The following ZFYVE9 variants were observed in gnomAD, a reference collection of about 807,000 sequenced individuals.
ZFYVE9 encodes the protein zinc finger FYVE-type containing 9, also known as zinc finger FYVE domain-containing protein 9.
Under a neutral mutation model 126.7 loss-of-function variants are expected in ZFYVE9, and 43 were observed. The ratio of observed to expected loss-of-function variants is 0.34; its 90% CI spans 0.27 to 0.44. ZFYVE9 has a LOEUF of 0.44. ZFYVE9 is among the 20% of genes least tolerant of loss of function. The pLI, the probability that ZFYVE9 is intolerant of heterozygous loss-of-function variation, is 1.00. For missense variants in ZFYVE9, 1,476 were observed against 1,697.0 expected, an observed-to-expected ratio of 0.87 and a Z score of 2.29; for synonymous variants, 521 against 597.4, an observed-to-expected ratio of 0.87 and a Z score of 1.87.
At chr1:52,172,620 T>G (rs1301818029) in intron 1 of ZFYVE9, among the ~76,000 whole-genome samples, 2 of 152,218 alleles carry the variant, frequency 1.3e-5, no homozygotes, top group Non-Finnish European at 2.9e-5. Flanking sequence ...GTATTGATTG[T>G]TCCTACCCAT....
chr1:52,217,771 T>G (rs1047137643), intron 2 of ZFYVE9, among the ~76,000 whole-genome samples: 1 of 152,210 alleles, frequency 6.6e-6, no homozygotes, highest in African/African-American at 2.4e-5. Flanking sequence ...TGTAAGGCTT[T>G]TATGATTGTC....
intron 13 of ZFYVE9, among the ~76,000 whole-genome samples, chr1:52,328,130 G>A (rs974334217): frequency 2.6e-5 from 4 of 152,188 alleles, no homozygotes; most frequent in Admixed American, 2.6e-4. Flanking sequence ...GGAAGCTTGA[G>A]ATTCTGAATG....
chr1:52,254,079 A>G (rs1645479167), intron 4 of ZFYVE9: 2 of 770,416 alleles, frequency 2.6e-6, no homozygotes, highest in African/African-American at 1.7e-5. Flanking sequence ...ACACCCACCC[A>G]TATGAGACAA....
intron 1 of ZFYVE9, among the ~76,000 whole-genome samples, chr1:52,192,759 G>T (rs1337301205): frequency 6.6e-6 from 1 of 152,144 alleles, no homozygotes; most frequent in Non-Finnish European, 1.5e-5. Flanking sequence ...CAAAGAATTT[G>T]AACAGGAGGT....
In ZFYVE9 at chr1:52,160,218, CCATCG is replaced by C. The variant is rs1644443246; in HGVS notation, c.-143+17820_-143+17824del. The stretch of plus-strand genomic sequence containing the variant: ...CTTCTCCCTGCCTGTTAAGCTGCTC[CCATCG>C]CATCACGACAGGATGGACTTTATTT... On this transcript the variant is annotated intron_variant, in intron 1 of 18. Coordinates refer to ENST00000287727, the MANE Select transcript of ZFYVE9 (RefSeq NM_004799.4). The C allele has an allele frequency of 1.5e-4, 113 of 749,930 alleles. 1 individual carries two copies. In the South Asian group the frequency reaches 1.7e-3, roughly 11 times the overall value. 46.5% of individuals were successfully genotyped at this position (749,930 alleles called of 1,614,324 possible).
At chr1:52,253,484 C>T (rs2124651042) in intron 4 of ZFYVE9, 1 of 589,150 alleles carries the variant, frequency 1.7e-6, no homozygotes, top group South Asian at 2.3e-5. Flanking sequence ...TTGACACTGG[C>T]ATATTTACAC....
chr1:52,285,248 ATTTTTAGATAATCAG>A (rs1473995632), intron 10 of ZFYVE9, among the ~76,000 whole-genome samples: 1 of 152,164 alleles, frequency 6.6e-6, no homozygotes, highest in African/African-American at 2.4e-5. Flanking sequence ...TAAGAACCTT[ATTTTTAGATAATCAG>A]GGTAATAGCT....
chr1:52,159,827 G>T (rs1262492277), intron 1 of ZFYVE9, among the ~76,000 whole-genome samples: 1 of 150,698 alleles, frequency 6.6e-6, no homozygotes, highest in Non-Finnish European at 1.5e-5. Flanking sequence ...ATGGAGTCTC[G>T]CTCTGTCACC....
intron 1 of ZFYVE9, among the ~76,000 whole-genome samples, chr1:52,214,131 A>G (rs943867945): frequency 2.6e-5 from 4 of 152,178 alleles, no homozygotes; most frequent in Admixed American, 2.6e-4. Context: ...AGGAAAATGT[A>G]AAGTTATAAA....
chr1:52,293,410 AATTT>A, intron 10 of ZFYVE9, 39 bp from the exon 11 acceptor site: 2 of 1,272,064 alleles, frequency 1.6e-6, no homozygotes, highest in Admixed American at 4.6e-5. Flanking sequence ...AAATATGATT[AATTT>A]ATTGATACAA....
At chr1:52,338,759 C>A (rs1006505739) in intron 16 of ZFYVE9, among the ~76,000 whole-genome samples, 3 of 152,186 alleles carry the variant, frequency 2.0e-5, no homozygotes, top group African/African-American at 7.2e-5. Context: ...CGCCTGTAAT[C>A]CCAGCACTTT....
chr1:52,237,454 A>T (rs1645283286), intron 3 of ZFYVE9, 34 bp from the exon 4 acceptor site: 1 of 1,540,738 alleles, frequency 6.5e-7, no homozygotes, highest in African/African-American at 1.4e-5. Flanking sequence ...CAGTGTTACA[A>T]GCAAACTTAT....
At chr1:52,220,145 A>G (rs991536665) in intron 2 of ZFYVE9, among the ~76,000 whole-genome samples, 6 of 152,162 alleles carry the variant, frequency 3.9e-5, no homozygotes, top group African/African-American at 7.2e-5. Context: ...TGTCCATGGT[A>G]ACTGGATTTC....
At chr1:52,266,876 C>G in intron 6 of ZFYVE9, 45 bp downstream of exon 6, 3 of 1,495,078 alleles carry the variant, frequency 2.0e-6, no homozygotes, top group Non-Finnish European at 2.7e-6. Context: ...TCACGAAGTT[C>G]CTCTGAAAAG....
intron 2 of ZFYVE9, among the ~76,000 whole-genome samples, chr1:52,219,983 G>A (rs1191715023): frequency 2.0e-5 from 3 of 151,878 alleles, no homozygotes; most frequent in Non-Finnish European, 4.4e-5. Flanking sequence ...TCACCATATT[G>A]GCCAGGCTGG....
At chr1:52,310,998 T>C (rs1646131607) in intron 13 of ZFYVE9, among the ~76,000 whole-genome samples, 1 of 152,174 alleles carries the variant, frequency 6.6e-6, no homozygotes, top group Non-Finnish European at 1.5e-5. Flanking sequence ...CTGAAGAAGC[T>C]GGGACTACAG....
intron 13 of ZFYVE9, among the ~76,000 whole-genome samples, chr1:52,314,480 G>A (rs1184827347): frequency 3.3e-5 from 5 of 152,184 alleles, no homozygotes; most frequent in Non-Finnish European, 5.9e-5. Flanking sequence ...CCAAGAGTTC[G>A]AGACCAAACT....
In ZFYVE9 at chr1:52,238,866, G is replaced by A. The variant is rs765773430; in HGVS notation, c.1449G>A (p.Met483Ile). The A allele has an allele frequency of 1.7e-5, 27 of 1,614,096 alleles. No individual in the cohort carries two copies. The highest frequency in any genetic ancestry group is 2.3e-5 in the Non-Finnish European group (27 of 1,179,980). ...YLSNGCDSYGMQDPGVSFVPK... is the reference protein window; with the variant it reads ...YLSNGCDSYGIQDPGVSFVPK... ...CTAATGGTTGTGATTCCTATGGAATGCAAGACCCAGGTGTTTCTTTTGTTC... is the reference window on the plus strand; with the variant it reads ...CTAATGGTTGTGATTCCTATGGAATACAAGACCCAGGTGTTTCTTTTGTTC... Residue 483 changes from methionine (M) to isoleucine (I), a missense_variant, in exon 4 of 19, where the codon ATG (methionine) becomes ATA (isoleucine). By Grantham distance (10) the Met-to-Ile change is conservative. Coordinates refer to ENST00000287727, the MANE Select transcript of ZFYVE9 (RefSeq NM_004799.4).
intron 1 of ZFYVE9, among the ~76,000 whole-genome samples, chr1:52,205,851 C>G (rs927869305): frequency 6.6e-6 from 1 of 152,136 alleles, no homozygotes; most frequent in African/African-American, 2.4e-5. Flanking sequence ...TTATATCTCC[C>G]TGTTAGATTG....
Sources: allele counts gnomAD v4.1 joint callset (sites outside exome capture counted in the v4.1 genomes callset), GRCh38; gene constraint gnomAD v4.1.1; transcripts MANE v1.5; gene names NCBI Gene and HGNC (gene_info 2026-07-23, HGNC 2026-07-21).